ROBO1: variants seen among roughly 807,000 people sequenced by gnomAD.
ROBO1 encodes roundabout homolog 1.
ROBO1 carries 149 observed loss-of-function variants against 195.9 expected under a neutral mutation model. The ratio of observed to expected loss-of-function variants is 0.76; its 90% confidence interval spans 0.67 to 0.87. The LOEUF is 0.87. Ranked by LOEUF, ROBO1 falls within the 40% of genes least tolerant of loss-of-function variation. The pLI is 0.00. For missense variants in ROBO1, 1,933 were observed against 2,068.3 expected (o/e 0.93, Z 1.27); for synonymous variants, 816 against 733.2 (o/e 1.11, Z -1.82).
In ROBO1 at chr3:79,589,921, T is replaced by C. The variant is rs766579721; in HGVS notation, c.-10A>G. ...CATGTTTCCATTTCATCTTTGTCCC[T>C]TCCTTGCATTACAACCAGCCAGTGA... On this transcript the variant is annotated 5_prime_UTR_variant, in exon 2 of 31. Coordinates refer to ENST00000464233, the MANE Select transcript of ROBO1 (RefSeq NM_002941.4). 2 of 1,598,286 alleles carry C rather than the reference T, an allele frequency of 1.3e-6. No individual in the cohort carries two copies. The highest frequency in any genetic ancestry group is 3.4e-5 in the Admixed American group (2 of 59,686).
chr3:79,251,027 C>T (rs886234316), intron 2 of ROBO1, among the ~76,000 whole-genome samples: 6 of 152,200 alleles, frequency 3.9e-5, no homozygotes, highest in African/African-American at 7.2e-5. Flanking sequence ...TGCACTCCAG[C>T]GTGGGTGACA....
In ROBO1 at chr3:79,742,833, G is replaced by C. The variant is rs1299263389; in HGVS notation, c.-51+24919C>G. On this transcript the variant is annotated intron_variant, in intron 1 of 30. Transcript: ENST00000464233. The stretch of plus-strand genomic sequence containing the variant: ...GCTTCCTTCAAAAGCAAAGAGGCTT[G>C]GTGAAATGCCTTCTGTTCTGGGCTT... Among the ~76,000 whole-genome samples, 4 of 152,244 alleles carry C rather than the reference G, an allele frequency of 2.6e-5. No homozygotes were observed. The East Asian group carries it at 7.7e-4, about 29-fold the overall frequency.
chr3:78,986,053 C>T (rs939701452), intron 3 of ROBO1, among the ~76,000 whole-genome samples: 1 of 152,144 alleles, frequency 6.6e-6, no homozygotes, highest in East Asian at 1.9e-4. Flanking sequence ...AAAGAACAAG[C>T]TTATGGCATC....
intron 4 of ROBO1, among the ~76,000 whole-genome samples, chr3:78,771,426 G>T (rs2083372741): frequency 6.6e-6 from 1 of 152,182 alleles, no homozygotes; most frequent in South Asian, 2.1e-4. Flanking sequence ...TTCTAGTTCT[G>T]TGAAGAATGA....
chr3:79,022,742 C>T (rs149451045), intron 3 of ROBO1, among the ~76,000 whole-genome samples: 55 of 152,252 alleles, frequency 3.6e-4, no homozygotes, highest in African/African-American at 1.3e-3. Flanking sequence ...ATCGTGGGTT[C>T]TAAATTTCCA....
chr3:78,955,640 A>G (rs1322970452), intron 3 of ROBO1, among the ~76,000 whole-genome samples: 1 of 152,164 alleles, frequency 6.6e-6, no homozygotes, highest in South Asian at 2.1e-4. Flanking sequence ...AGTACTAAAA[A>G]TAAAGCTTTC....
chr3:79,395,845 A>G (rs1271836914), intron 2 of ROBO1, among the ~76,000 whole-genome samples: 1 of 152,002 alleles, frequency 6.6e-6, no homozygotes, highest in Non-Finnish European at 1.5e-5. Flanking sequence ...ATGGATACAC[A>G]GTTTTTTTCT....
chr3:78,950,629 T>C (rs2040726721), intron 3 of ROBO1, among the ~76,000 whole-genome samples: 1 of 151,582 alleles, frequency 6.6e-6, no homozygotes, highest in Non-Finnish European at 1.5e-5. Context: ...AACCTGCACA[T>C]TGTGCACATG....
intron 4 of ROBO1, among the ~76,000 whole-genome samples, chr3:78,769,617 G>GTTT (rs1559836189): frequency 2.7e-5 from 2 of 72,938 alleles, no homozygotes; most frequent in East Asian, 3.5e-4. Context: ...AGTGTACTTT[G>GTTT]GTTTTTTTTT....
chr3:78,619,061 G>A (rs886478412), intron 26 of ROBO1, among the ~76,000 whole-genome samples: 1 of 152,222 alleles, frequency 6.6e-6, no homozygotes, highest in Non-Finnish European at 1.5e-5. Flanking sequence ...AAAAAAGGAA[G>A]ACATGGTTGG....
At chr3:79,528,935 T>C (rs1218831864) in intron 2 of ROBO1, among the ~76,000 whole-genome samples, 1 of 152,250 alleles carries the variant, frequency 6.6e-6, no homozygotes. Flanking sequence ...GACACATTAT[T>C]GCATCTATAG....
At chr3:79,305,774 T>G (rs1406783638) in intron 2 of ROBO1, among the ~76,000 whole-genome samples, 1 of 152,134 alleles carries the variant, frequency 6.6e-6, no homozygotes, top group Non-Finnish European at 1.5e-5. Context: ...CAAACCAAAC[T>G]GTTCTACTAT....
At chr3:79,607,677 A>T (rs531632637) in intron 1 of ROBO1, among the ~76,000 whole-genome samples, 5 of 151,390 alleles carry the variant, frequency 3.3e-5, no homozygotes, top group Admixed American at 2.6e-4. Context: ...TCTTAAATTA[A>T]TTTTTTCTGA....
chr3:79,347,667 G>A (rs753989792), intron 2 of ROBO1, among the ~76,000 whole-genome samples: 28 of 152,310 alleles, frequency 1.8e-4, no homozygotes, highest in Middle Eastern at 3.4e-3. Context: ...TGGAATCCTT[G>A]TAGAAGAGAC....
At chr3:79,598,001 C>A (rs1372011724) in intron 1 of ROBO1, among the ~76,000 whole-genome samples, 3 of 152,010 alleles carry the variant, frequency 2.0e-5, no homozygotes, top group African/African-American at 7.2e-5. Flanking sequence ...TCCAATTAAG[C>A]TTCTGTTCAT....
chr3:78,958,608 T>C (rs2041164867), intron 3 of ROBO1, among the ~76,000 whole-genome samples: 1 of 151,316 alleles, frequency 6.6e-6, no homozygotes, highest in South Asian at 2.1e-4. Context: ...AATAAAACTA[T>C]ATATTAAAAA....
At chr3:79,101,874 G>T (rs541996385) in intron 3 of ROBO1, among the ~76,000 whole-genome samples, 2 of 151,912 alleles carry the variant, frequency 1.3e-5, no homozygotes, top group African/African-American at 4.8e-5. Flanking sequence ...AAGCACAATT[G>T]GACAAAATGT....
At chr3:79,278,604 C>T (rs2031251364) in intron 2 of ROBO1, among the ~76,000 whole-genome samples, 1 of 152,024 alleles carries the variant, frequency 6.6e-6, no homozygotes, top group African/African-American at 2.4e-5. Flanking sequence ...GTAGTCTTTT[C>T]AATAAGTTTT....
intron 4 of ROBO1, among the ~76,000 whole-genome samples, chr3:78,815,363 G>A (rs2084867021): frequency 6.6e-6 from 1 of 152,136 alleles, no homozygotes; most frequent in Non-Finnish European, 1.5e-5. Context: ...AAGAGATTAG[G>A]AGTGCTATTC....
Sources: allele counts gnomAD v4.1 joint callset (sites outside exome capture counted in the v4.1 genomes callset), GRCh38; gene constraint gnomAD v4.1.1; transcripts MANE v1.5; gene names NCBI Gene and HGNC (gene_info 2026-07-23, HGNC 2026-07-21).